Variants in GPR158 observed in about 807,000 individuals in gnomAD.
GPR158 encodes the protein metabotropic glycine receptor.
Under a neutral mutation model 78.2 loss-of-function variants are expected in GPR158, and 30 were observed. That is an observed-to-expected ratio of 0.38 (90% confidence interval 0.29 to 0.52). GPR158 has a LOEUF of 0.52. Among genes scored for constraint, GPR158 ranks in the 20% least tolerant of loss-of-function variants. GPR158 has a pLI of 0.83. For missense variants in GPR158, 1,463 were observed against 1,523.5 expected (o/e 0.96, Z 0.66); for synonymous variants, 581 against 591.1 (o/e 0.98, Z 0.25).
chr10:25,527,465 A>G (rs1836365336), intron 5 of GPR158, among the ~76,000 whole-genome samples: 1 of 152,200 alleles, frequency 6.6e-6, no homozygotes, highest in South Asian at 2.1e-4. Flanking sequence ...AAATATTTGG[A>G]AATTAAACAA....
chr10:25,328,545 T>C (rs1855068550), intron 2 of GPR158, among the ~76,000 whole-genome samples: 1 of 152,172 alleles, frequency 6.6e-6, no homozygotes, highest in African/African-American at 2.4e-5. Context: ...AACATATTCA[T>C]AGCATATTTT....
chr10:25,296,249 C>A (rs576257760), intron 2 of GPR158, among the ~76,000 whole-genome samples: 1 of 152,038 alleles, frequency 6.6e-6, no homozygotes, highest in East Asian at 1.9e-4. Context: ...ACACAGTCTC[C>A]TGGGTGAGGC....
At chr10:25,448,057 G>C (rs942332391) in intron 4 of GPR158, among the ~76,000 whole-genome samples, 2 of 151,694 alleles carry the variant, frequency 1.3e-5, no homozygotes, top group Non-Finnish European at 2.9e-5. Flanking sequence ...CATCATGCAG[G>C]GGATGTTGTC....
At chr10:25,202,265 T>C (rs557533180) in intron 1 of GPR158, among the ~76,000 whole-genome samples, 1 of 151,978 alleles carries the variant, frequency 6.6e-6, no homozygotes, top group East Asian at 1.9e-4. Flanking sequence ...TCCATTTTTT[T>C]TTATACTTTA....
chr10:25,332,119 G>T (rs1043992538), intron 2 of GPR158, among the ~76,000 whole-genome samples: 1 of 151,890 alleles, frequency 6.6e-6, no homozygotes, highest in Non-Finnish European at 1.5e-5. Flanking sequence ...TCACCTGGGG[G>T]GGGGCGAATA....
chr10:25,585,366 A>C (rs747849876), intron 7 of GPR158, among the ~76,000 whole-genome samples: 6 of 152,222 alleles, frequency 3.9e-5, no homozygotes, highest in Admixed American at 2.0e-4. Context: ...GGAGAAAAAA[A>C]CTGAAAAACT....
At chr10:25,421,609 C>G (rs1834752946) in intron 4 of GPR158, among the ~76,000 whole-genome samples, 1 of 151,972 alleles carries the variant, frequency 6.6e-6, no homozygotes, top group Non-Finnish European at 1.5e-5. Flanking sequence ...GATGATACTT[C>G]CTTCAATTTT....
intron 4 of GPR158, among the ~76,000 whole-genome samples, chr10:25,456,443 A>C (rs1177785230): frequency 1.3e-5 from 2 of 152,234 alleles, no homozygotes; most frequent in Admixed American, 6.5e-5. Flanking sequence ...TGTTAAAGAT[A>C]AACTTAACAG....
chr10:25,374,178 T>TA (rs1251092123), intron 2 of GPR158, among the ~76,000 whole-genome samples: 17 of 151,760 alleles, frequency 1.1e-4, no homozygotes, highest in African/African-American at 3.6e-4. Flanking sequence ...ATTTCTTAGA[T>TA]TTATTTGCTT....
intron 2 of GPR158, among the ~76,000 whole-genome samples, chr10:25,238,325 G>A (rs1013063866): frequency 6.6e-6 from 1 of 152,168 alleles, no homozygotes; most frequent in African/African-American, 2.4e-5. Context: ...TGATTGACAG[G>A]CATCATTAGA....
intron 2 of GPR158, among the ~76,000 whole-genome samples, chr10:25,380,623 C>G (rs568338335): frequency 1.3e-5 from 2 of 152,088 alleles, no homozygotes; most frequent in African/African-American, 4.8e-5. Flanking sequence ...AAATCATTTT[C>G]CAATGTGTGT....
chr10:25,334,999 A>AT (rs1855177942), intron 2 of GPR158, among the ~76,000 whole-genome samples: 1 of 152,012 alleles, frequency 6.6e-6, no homozygotes, highest in Admixed American at 6.6e-5. Flanking sequence ...CAAATCTTTG[A>AT]TTTTTTAAAA....
Position 25,599,032 on chromosome 10 carries a change from C to T in GPR158, c.3406C>T (p.Gln1136Ter). ...ASKTENENLN[Q>*]IGHQEKKTSS... is the part of the protein sequence containing the mutation. Reference sequence around the variant, plus strand: ...AAAAACAGAGAATGAAAATCTCAACCAAATAGGACACCAGGAAAAAAAGAC... The same window carrying T: ...AAAAACAGAGAATGAAAATCTCAACTAAATAGGACACCAGGAAAAAAAGAC... The change falls in exon 11 of 11, where the codon CAA becomes TAA. Residue 1136 changes from glutamine (Q) to a stop codon, truncating the protein, a stop_gained. Coordinates refer to ENST00000376351, the MANE Select transcript of GPR158 (RefSeq NM_020752.3). LOFTEE classifies it low-confidence loss of function (END_TRUNC). 1 of 1,614,072 alleles carries T rather than the reference C, an allele frequency of 6.2e-7. No homozygotes were observed. Among genetic ancestry groups the T allele is most frequent in the Non-Finnish European group, 8.5e-7 (1 of 1,180,002 alleles).
At chr10:25,459,448 T>G (rs1249153735) in intron 4 of GPR158, among the ~76,000 whole-genome samples, 1 of 152,196 alleles carries the variant, frequency 6.6e-6, no homozygotes, top group Admixed American at 6.5e-5. Flanking sequence ...CAGAGGTTTC[T>G]TTTGTAATAG....
At chr10:25,338,507 T>A (rs1014841391) in intron 2 of GPR158, among the ~76,000 whole-genome samples, 1 of 142,782 alleles carries the variant, frequency 7.0e-6, no homozygotes, top group Non-Finnish European at 1.5e-5. Context: ...GTATATATAT[T>A]ACGTATAATA....
intron 2 of GPR158, among the ~76,000 whole-genome samples, chr10:25,236,329 C>T (rs1163372131): frequency 6.6e-6 from 1 of 151,944 alleles, no homozygotes; most frequent in African/African-American, 2.4e-5. Flanking sequence ...CATGGTGAAA[C>T]CCCGTCTCTA....
intron 2 of GPR158, among the ~76,000 whole-genome samples, chr10:25,354,477 A>C (rs760009383): frequency 1.3e-5 from 2 of 152,062 alleles, no homozygotes; most frequent in Non-Finnish European, 2.9e-5. Flanking sequence ...CGCTACATTT[A>C]GACTTTGTCT....
chr10:25,338,269 T>C (rs1855238797), intron 2 of GPR158, among the ~76,000 whole-genome samples: 2 of 150,374 alleles, frequency 1.3e-5, no homozygotes, highest in African/African-American at 4.9e-5. Context: ...TGGAATTGAT[T>C]ATTATTTAGG....
At chr10:25,242,240 C>A (rs1853637337) in intron 2 of GPR158, among the ~76,000 whole-genome samples, 1 of 152,142 alleles carries the variant, frequency 6.6e-6, no homozygotes, top group Non-Finnish European at 1.5e-5. Flanking sequence ...ATCTTCATTT[C>A]ATTAAACAGT....
Sources: gnomAD v4.1 joint callset for allele counts (sites outside exome capture counted in the v4.1 genomes callset) on GRCh38, gnomAD v4.1.1 for gene constraint, MANE v1.5 for transcripts, NCBI Gene and HGNC (gene_info 2026-07-23, HGNC 2026-07-21) for gene names.